Variants in HVCN1 observed in about 807,000 individuals in gnomAD.
HVCN1 encodes the protein voltage-gated hydrogen channel 1.
Under a neutral mutation model 29.2 loss-of-function variants are expected in HVCN1, and 14 were observed. The observed-to-expected ratio is 0.48, with a 90% CI of 0.32 to 0.75. The LOEUF (loss-of-function observed/expected upper bound fraction) is 0.75. Among genes scored for constraint, HVCN1 ranks in the 30% least tolerant of loss-of-function variants. The probability of loss-of-function intolerance (pLI) is 0.04; values close to 1 mark genes in which losing one functional copy is unlikely to be tolerated. For synonymous variants in HVCN1, 131 were observed against 133.2 expected, an observed-to-expected ratio of 0.98 and a Z score of 0.11; for missense variants, 263 against 341.8, an observed-to-expected ratio of 0.77 and a Z score of 1.82.
At chr12:110,659,517 T>A (rs2068093859) in intron 4 of HVCN1, among the ~76,000 whole-genome samples, 1 of 152,326 alleles carries the variant, frequency 6.6e-6, no homozygotes, top group East Asian at 1.9e-4. Context: ...TCCCAGGACT[T>A]GAATGTGTTT....
intron 3 of HVCN1, among the ~76,000 whole-genome samples, chr12:110,681,828 C>T (rs773312399): frequency 3.3e-5 from 5 of 152,200 alleles, no homozygotes; most frequent in Non-Finnish European, 5.9e-5. Context: ...AAAGTCAACA[C>T]TTCCTTTCTA....
chr12:110,682,605 C>T (rs1464067746), intron 3 of HVCN1: 2 of 155,012 alleles, frequency 1.3e-5, no homozygotes, highest in Non-Finnish European at 2.9e-5. Context: ...CATTCTGAGA[C>T]CACTGTATTA....
At chr12:110,684,091 C>A (rs1362353842) in intron 2 of HVCN1, among the ~76,000 whole-genome samples, 2 of 151,796 alleles carry the variant, frequency 1.3e-5, no homozygotes, top group African/African-American at 2.4e-5. Context: ...CCAGAACAAG[C>A]AGATTGGTGG....
At chr12:110,654,368 T>C (rs2067913905) in intron 5 of HVCN1, among the ~76,000 whole-genome samples, 1 of 151,986 alleles carries the variant, frequency 6.6e-6, no homozygotes, top group Non-Finnish European at 1.5e-5. Flanking sequence ...AAGGAGGAAG[T>C]TTCATATTCT....
intron 3 of HVCN1, among the ~76,000 whole-genome samples, chr12:110,662,515 G>A (rs2068212171): frequency 6.6e-6 from 1 of 152,150 alleles, no homozygotes; most frequent in African/African-American, 2.4e-5. Flanking sequence ...GACCAGCCTG[G>A]CCAACATGGC....
chr12:110,659,388 ATT>A (rs1436728317), intron 4 of HVCN1, among the ~76,000 whole-genome samples: 1 of 152,172 alleles, frequency 6.6e-6, no homozygotes, highest in Non-Finnish European at 1.5e-5. Flanking sequence ...CAAGGGCTAC[ATT>A]TCTCTGCTTC....
At chr12:110,674,774 C>T (rs1020214485) in intron 3 of HVCN1, among the ~76,000 whole-genome samples, 1 of 152,156 alleles carries the variant, frequency 6.6e-6, no homozygotes, top group Non-Finnish European at 1.5e-5. Context: ...AACTATAAGT[C>T]CAATTAAACC....
intron 4 of HVCN1, 59 bp from the exon 5 acceptor site, chr12:110,655,397 C>G: frequency 7.6e-7 from 1 of 1,317,100 alleles, no homozygotes; most frequent in Admixed American, 1.7e-5. Context: ...CCTCCCTCTC[C>G]CATCATTAAG....
At chr12:110,675,313 G>T (rs1013916588) in intron 3 of HVCN1, among the ~76,000 whole-genome samples, 1 of 152,112 alleles carries the variant, frequency 6.6e-6, no homozygotes, top group African/African-American at 2.4e-5. Context: ...ACAAAAATTA[G>T]CCAGGCGTGG....
intron 3 of HVCN1, among the ~76,000 whole-genome samples, chr12:110,672,860 A>T (rs1295255232): frequency 6.6e-6 from 1 of 152,228 alleles, no homozygotes; most frequent in African/African-American, 2.4e-5. Flanking sequence ...GCCTCCTGCC[A>T]TAATTCTGAG....
intron 3 of HVCN1, among the ~76,000 whole-genome samples, chr12:110,679,580 G>A (rs1445590248): frequency 6.6e-6 from 1 of 152,176 alleles, no homozygotes; most frequent in African/African-American, 2.4e-5. Flanking sequence ...TGGGCCGGGC[G>A]CGGTGGCTCA....
intron 4 of HVCN1, among the ~76,000 whole-genome samples, chr12:110,660,701 A>C (rs913179423): frequency 6.6e-6 from 1 of 151,772 alleles, no homozygotes; most frequent in Non-Finnish European, 1.5e-5. Context: ...AAATGGAAAC[A>C]CTCCCACCTG....
chr12:110,702,801 T>G (rs1393069161), intron 1 of HVCN1, among the ~76,000 whole-genome samples: 1 of 152,156 alleles, frequency 6.6e-6, no homozygotes, highest in East Asian at 1.9e-4. Flanking sequence ...ATTACAGGCA[T>G]GTGCAACCAT....
intron 5 of HVCN1, 107 bp downstream of exon 5, chr12:110,655,127 C>A: frequency 1.3e-6 from 1 of 751,842 alleles, no homozygotes; most frequent in Admixed American, 1.9e-5. Flanking sequence ...TACCACAGAC[C>A]TTGCTACTCC....
intron 2 of HVCN1, among the ~76,000 whole-genome samples, chr12:110,684,286 A>C (rs1345589561): frequency 2.1e-5 from 2 of 96,026 alleles, no homozygotes; most frequent in African/African-American, 4.1e-5. Flanking sequence ...TGAAGGCCGC[A>C]CACTGTGAAA....
intron 3 of HVCN1, among the ~76,000 whole-genome samples, chr12:110,672,730 A>G (rs976435433): frequency 8.5e-5 from 13 of 152,262 alleles, no homozygotes; most frequent in Admixed American, 6.5e-4. Flanking sequence ...ATGGGGGCCA[A>G]TCTTTCCCAT....
chr12:110,690,774 G>A (rs913094193), upstream of HVCN1, among the ~76,000 whole-genome samples: 8 of 151,192 alleles, frequency 5.3e-5, no homozygotes, highest in African/African-American at 7.3e-5. Flanking sequence ...CACTCCACCC[G>A]GCAACAGTCT....
At chr12:110,651,504 T>A (rs2067814543) in intron 5 of HVCN1, 56 bp from the exon 6 acceptor site, 4 of 1,102,872 alleles carry the variant, frequency 3.6e-6, no homozygotes, top group Admixed American at 1.7e-5. Flanking sequence ...GAGGTCAAGC[T>A]GCCCTCACAT....
At chr12:110,679,729 T>A (rs1312649446) in intron 3 of HVCN1, among the ~76,000 whole-genome samples, 7 of 152,034 alleles carry the variant, frequency 4.6e-5, no homozygotes, top group Admixed American at 3.9e-4. Context: ...GGCGGGCGCC[T>A]GTAGTCCCAG....
Sources: allele counts gnomAD v4.1 joint callset (sites outside exome capture counted in the v4.1 genomes callset), GRCh38; gene constraint gnomAD v4.1.1; transcripts MANE v1.5; gene names NCBI Gene and HGNC (gene_info 2026-07-23, HGNC 2026-07-21).